The following TRA2B variants were observed in gnomAD, a reference collection of about 807,000 sequenced individuals.
The protein encoded by TRA2B is transformer-2 protein homolog beta.
In TRA2B, 14 loss-of-function variants were observed where a neutral mutation model predicts 41.7. The ratio of observed to expected loss-of-function variants is 0.34; its 90% CI spans 0.22 to 0.53. TRA2B has a LOEUF of 0.53. Ranked by LOEUF, TRA2B falls within the 20% of genes least tolerant of loss-of-function variation. The pLI is 0.95. For missense variants in TRA2B, 167 were observed against 396.8 expected, an observed-to-expected ratio of 0.42 and a Z score of 4.92; for synonymous variants, 130 against 128.8, an observed-to-expected ratio of 1.01 and a Z score of -0.06.
intron 1 of TRA2B, chr3:185,936,312 C>G (rs1744353584): frequency 2.0e-6 from 2 of 985,376 alleles, no homozygotes; most frequent in South Asian, 4.7e-5. Flanking sequence ...TTTTTAACAA[C>G]TTTTGAGCTC....
At chr3:185,919,922 A>G (rs1743652619) in intron 6 of TRA2B, among the ~76,000 whole-genome samples, 1 of 152,190 alleles carries the variant, frequency 6.6e-6, no homozygotes, top group South Asian at 2.1e-4. Flanking sequence ...ATAGACATCC[A>G]TATACCTCAA....
intron 1 of TRA2B, chr3:185,936,443 G>A (rs1578490267): frequency 1.0e-6 from 1 of 985,386 alleles, no homozygotes; most frequent in Non-Finnish European, 1.2e-6. Flanking sequence ...GCTCATCCGA[G>A]TATGTAAACG....
In TRA2B at chr3:185,915,857, A is replaced by G. The variant is rs1365740487; in HGVS notation, c.*1858T>C. The stretch of plus-strand genomic sequence containing the variant: ...TTTGGTTGGGGAGAAAATGGTGGAG[A>G]ATGTAGTTACTTCAGGAAAGGATGC... On this transcript the variant is annotated 3_prime_UTR_variant, in exon 9 of 9. Transcript: ENST00000453386. 2 of 152,134 alleles carry G rather than the reference A, an allele frequency of 1.3e-5. No homozygotes were observed. Among genetic ancestry groups the G allele is most frequent in the Non-Finnish European group, 2.9e-5 (2 of 68,022 alleles). The allele number at this position is 152,134 out of a possible 1,614,324, so 9.4% of individuals were successfully genotyped here.
At chr3:185,920,573 T>A (rs1383170767) in intron 6 of TRA2B, among the ~76,000 whole-genome samples, 1 of 152,166 alleles carries the variant, frequency 6.6e-6, no homozygotes, top group Non-Finnish European at 1.5e-5. Context: ...TTATTTTTTT[T>A]TTTGAGTCTC....
intron 1 of TRA2B, chr3:185,934,897 T>A (rs1388242860): frequency 6.7e-5 from 66 of 985,268 alleles, no homozygotes; most frequent in Non-Finnish European, 7.8e-5. Flanking sequence ...TCTATCAGAG[T>A]ATCTGCTGGG....
chr3:185,921,762 TCAAAA>T (rs928780832), intron 5 of TRA2B, among the ~76,000 whole-genome samples: 5 of 152,224 alleles, frequency 3.3e-5, no homozygotes, highest in East Asian at 3.9e-4. Context: ...AGACTCCGTC[TCAAAA>T]CAAAACAAAA....
In TRA2B at chr3:185,923,782, G is replaced by T. The variant is rs201101279; in HGVS notation, c.522+14C>A. 6.3e-7 allele frequency: 1 copy of T among 1,596,316 alleles called. No individual in the cohort carries two copies. Among genetic ancestry groups the T allele is most frequent in the Non-Finnish European group, 8.5e-7 (1 of 1,172,218 alleles). On this transcript the variant is annotated intron_variant, in intron 4 of 8. Coordinates refer to ENST00000453386, the MANE Select transcript of TRA2B (RefSeq NM_004593.3). ...TAGAACTGATGGTTTACAAAGGAAC[G>T]GGCTTTTACTTACTTCCTTGGCATC...
intron 1 of TRA2B, chr3:185,935,143 T>C (rs1744299152): frequency 1.0e-6 from 1 of 985,344 alleles, no homozygotes; most frequent in African/African-American, 1.7e-5. Flanking sequence ...TAATTGTGAC[T>C]TAAAGGCCAG....
At chr3:185,933,560 A>C (rs569259677) in intron 1 of TRA2B, among the ~76,000 whole-genome samples, 6 of 152,180 alleles carry the variant, frequency 3.9e-5, no homozygotes, top group Non-Finnish European at 7.4e-5. Flanking sequence ...TGACAAGGCA[A>C]TATTTTAAAA....
chr3:185,918,882 T>G (rs1236244985), intron 7 of TRA2B, among the ~76,000 whole-genome samples: 1 of 152,018 alleles, frequency 6.6e-6, no homozygotes, highest in African/African-American at 2.4e-5. Flanking sequence ...GGTGCATGCT[T>G]GTAATCCCAG....
intron 6 of TRA2B, among the ~76,000 whole-genome samples, chr3:185,920,849 A>G (rs1743705997): frequency 6.6e-6 from 1 of 152,194 alleles, no homozygotes; most frequent in African/African-American, 2.4e-5. Flanking sequence ...TTTAAAAATA[A>G]AACACATTTT....
chr3:185,918,078 C>G (rs935565045), intron 8 of TRA2B, among the ~76,000 whole-genome samples: 2 of 151,974 alleles, frequency 1.3e-5, no homozygotes, highest in African/African-American at 2.4e-5. Context: ...TGAGCCTACT[C>G]TGGGTAAATG....
chr3:185,915,709 G>A lies in TRA2B; in HGVS notation c.*2006C>T, dbSNP rs1190383198. ...TAAAAAAGGAAACTTTCAATCAGCA[G>A]GATAAAGGATGGCTACACAACTAAA... On this transcript the variant is annotated 3_prime_UTR_variant, in exon 9 of 9. Coordinates refer to ENST00000453386, the MANE Select transcript of TRA2B (RefSeq NM_004593.3). 1.3e-5 allele frequency among the ~76,000 whole-genome samples: 2 copies of A among 152,120 alleles called. No individual in the cohort carries two copies. Among genetic ancestry groups the A allele is most frequent in the Non-Finnish European group, 2.9e-5 (2 of 68,018 alleles).
chr3:185,937,058 T>C (rs1036402945), intron 1 of TRA2B: 17 of 985,330 alleles, frequency 1.7e-5, no homozygotes, highest in Non-Finnish European at 2.0e-5. Flanking sequence ...AAATGCGATG[T>C]CCACAAAATC....
chr3:185,935,855 A>G (rs368490752), intron 1 of TRA2B: 22 of 985,328 alleles, frequency 2.2e-5, no homozygotes, highest in Non-Finnish European at 2.5e-5. Flanking sequence ...TCACAACGTA[A>G]AAGTTTAGAG....
At chr3:185,934,112 A>G (rs537109026) in intron 1 of TRA2B, among the ~76,000 whole-genome samples, 8 of 152,314 alleles carry the variant, frequency 5.3e-5, no homozygotes, top group African/African-American at 1.9e-4. Context: ...AATTCTACAT[A>G]GCCCACACCC....
At chr3:185,925,376 CTAA>C (rs2150114860) in intron 3 of TRA2B, 85 bp downstream of exon 3, 1 of 1,488,264 alleles carries the variant, frequency 6.7e-7, no homozygotes, top group East Asian at 2.3e-5. Flanking sequence ...GCACCAACTG[CTAA>C]AGCTCTATTG....
intron 1 of TRA2B, chr3:185,935,637 T>G (rs139638748): frequency 4.1e-6 from 4 of 985,310 alleles, no homozygotes; most frequent in African/African-American, 1.7e-5. Flanking sequence ...AAGCCTGGAG[T>G]TGAATAACAC....
At position 185,916,350 on chromosome 3, in the gene TRA2B, AAAG is replaced by A. The variant is rs1375323354; in HGVS notation, c.*1362_*1364del. 2 of 152,350 alleles carry A rather than the reference AAAG, an allele frequency of 1.3e-5. No individual in the cohort carries two copies. The highest frequency in any genetic ancestry group is 2.4e-5 in the African/African-American group (1 of 41,578). 9.4% of individuals were successfully genotyped at this position (152,350 alleles called of 1,614,324 possible). ...AGTTACTCTACATCATTTCATTGCTAAAGATTATATGTAAAGTTCTTCCCAAAG... is the reference window on the plus strand; with the variant it reads ...AGTTACTCTACATCATTTCATTGCTAATTATATGTAAAGTTCTTCCCAAAG... On this transcript the variant is annotated 3_prime_UTR_variant, in exon 9 of 9. Coordinates refer to ENST00000453386, the MANE Select transcript of TRA2B (RefSeq NM_004593.3).
Sources: gnomAD v4.1 joint callset for allele counts (sites outside exome capture counted in the v4.1 genomes callset) on GRCh38, gnomAD v4.1.1 for gene constraint, MANE v1.5 for transcripts, NCBI Gene and HGNC (gene_info 2026-07-23, HGNC 2026-07-21) for gene names.